The following DNAH11 variants were observed in gnomAD, a reference collection of about 807,000 sequenced individuals.
DNAH11 encodes dynein axonemal heavy chain 11, also known as axonemal beta dynein heavy chain 11.
A neutral mutation model predicts 526.0 loss-of-function variants in DNAH11; 442 were observed. The observed-to-expected ratio is 0.84, with a 90% CI of 0.78 to 0.91. DNAH11 has a LOEUF of 0.91. Ranked by LOEUF, DNAH11 falls within the 40% of genes least tolerant of loss-of-function variation. The pLI is 0.00. For synonymous variants in DNAH11, 2,461 were observed against 1,935.9 expected (o/e 1.27, Z -7.12); for missense variants, 6,989 against 5,448.7 (o/e 1.28, Z -8.90).
chr7:21,789,792 TC>T (rs1319901118), intron 61 of DNAH11, among the ~76,000 whole-genome samples: 36 of 84,316 alleles, frequency 4.3e-4, no homozygotes, highest in African/African-American at 1.6e-3. Flanking sequence ...TTTCTTTCTT[TC>T]TTTCTTTCTT....
intron 73 of DNAH11, 40 bp downstream of exon 73, chr7:21,869,031 C>G (rs543373208): frequency 6.2e-7 from 1 of 1,612,170 alleles, no homozygotes; most frequent in African/African-American, 1.3e-5. Flanking sequence ...GGCATAAACA[C>G]AGAGGAGGGC....
At chr7:21,858,850 TA>T (rs1782953309) in intron 68 of DNAH11, among the ~76,000 whole-genome samples, 1 of 152,180 alleles carries the variant, frequency 6.6e-6, no homozygotes, top group Non-Finnish European at 1.5e-5. Context: ...ACTGTGCATA[TA>T]ATAGGCACAT....
chr7:21,784,189 AT>A (rs968909208), intron 57 of DNAH11, among the ~76,000 whole-genome samples: 1 of 152,200 alleles, frequency 6.6e-6, no homozygotes, highest in African/African-American at 2.4e-5. Context: ...TTCTTGGAGC[AT>A]TTTGGAACTT....
intron 54 of DNAH11, among the ~76,000 whole-genome samples, chr7:21,754,472 A>G (rs1042485493): frequency 2.0e-5 from 3 of 151,672 alleles, no homozygotes; most frequent in Non-Finnish European, 2.9e-5. Context: ...TTTTATATTC[A>G]TCTCTATTGT....
At chr7:21,548,254 T>C (rs905298512) in intron 2 of DNAH11, among the ~76,000 whole-genome samples, 3 of 152,164 alleles carry the variant, frequency 2.0e-5, no homozygotes, top group Non-Finnish European at 4.4e-5. Context: ...GCTAGTGTCA[T>C]GTCTAGTGCA....
chr7:21,674,566 T>C (rs1190106496), intron 30 of DNAH11, among the ~76,000 whole-genome samples: 1 of 152,196 alleles, frequency 6.6e-6, no homozygotes, highest in Non-Finnish European at 1.5e-5. Flanking sequence ...TTTCGCCATG[T>C]TGACCAGGCC....
chr7:21,616,948 G>A (rs747779328), intron 22 of DNAH11, among the ~76,000 whole-genome samples: 11 of 152,240 alleles, frequency 7.2e-5, no homozygotes, highest in Non-Finnish European at 1.6e-4. Flanking sequence ...CCTTGCCTCA[G>A]CTTCTACCCA....
chr7:21,774,132 G>A (rs1787559141), intron 56 of DNAH11, 133 bp downstream of exon 56: 1 of 816,108 alleles, frequency 1.2e-6, no homozygotes, highest in African/African-American at 1.7e-5. Context: ...ATGACACCAA[G>A]AATACACTGC....
At position 21,725,876 on chromosome 7, in the gene DNAH11, G is replaced by A. The variant is rs28370951; in HGVS notation, c.7332G>A (p.Pro2444=). ...AAGAGATGAAAGCAGTGAAATTTCC[G>A]TCGCAGGGAACAATCTTTGATTATT... is the stretch of plus-strand genomic sequence containing the variant. The part of the protein sequence containing the change: ...WQKEMKAVKF[P]SQGTIFDYYV... Residue 2444 remains proline (P), a synonymous_variant, in exon 45 of 82, where the codon CCG becomes CCA. Coordinates refer to ENST00000409508, the MANE Select transcript of DNAH11 (RefSeq NM_001277115.2). 1.2e-3 allele frequency: 1,929 copies of A among 1,609,796 alleles called. 18 individuals are homozygous for A. The African/African-American group carries it at 0.023, about 19-fold the overall frequency.
intron 74 of DNAH11, among the ~76,000 whole-genome samples, chr7:21,879,887 C>T (rs986198266): frequency 1.3e-5 from 2 of 152,060 alleles, no homozygotes; most frequent in Non-Finnish European, 2.9e-5. Flanking sequence ...GAGTTCAAGA[C>T]CAGCCTGGCC....
intron 28 of DNAH11, among the ~76,000 whole-genome samples, chr7:21,650,876 G>C (rs1395618263): frequency 6.6e-6 from 1 of 151,334 alleles, no homozygotes; most frequent in Non-Finnish European, 1.5e-5. Context: ...CTGACCTCAG[G>C]TGATCCACTT....
intron 28 of DNAH11, among the ~76,000 whole-genome samples, chr7:21,646,649 C>T (rs1233916182): frequency 1.3e-5 from 2 of 152,150 alleles, no homozygotes; most frequent in Admixed American, 6.5e-5. Context: ...GCCCAGTGAG[C>T]TCCAGCAGGG....
At chr7:21,792,999 G>T (rs1304634661) in intron 61 of DNAH11, among the ~76,000 whole-genome samples, 1 of 151,944 alleles carries the variant, frequency 6.6e-6, no homozygotes, top group African/African-American at 2.4e-5. Flanking sequence ...TTTCTATGTA[G>T]GCATTTGATG....
intron 25 of DNAH11, among the ~76,000 whole-genome samples, chr7:21,630,292 C>G (rs1193286701): frequency 6.6e-6 from 1 of 151,976 alleles, no homozygotes; most frequent in Admixed American, 6.6e-5. Context: ...TTTGCTGTAG[C>G]TATTGTTTTT....
chr7:21,773,508 G>A (rs1252510569), intron 55 of DNAH11, among the ~76,000 whole-genome samples: 9 of 151,950 alleles, frequency 5.9e-5, no homozygotes, highest in Non-Finnish European at 1.0e-4. Context: ...TGTATATGCT[G>A]GCTTTTGTAT....
rs754350576 is a variant in DNAH11, at chr7:21,600,809, G to A, written c.3134G>A (p.Arg1045Gln). Residue 1045 changes from arginine to glutamine, a missense_variant, in exon 16 of 82, where the codon CGA becomes CAA. By Grantham distance (43) the Arg-to-Gln change is conservative. Coordinates refer to ENST00000409508, the MANE Select transcript of DNAH11 (RefSeq NM_001277115.2). ...CACACTTACCTCTGGGTGGATGATC[G>A]AGCTGAGTTTATGAAGCATTTTCTC... ...ETHTYLWVDD[R>Q]AEFMKHFLLY... The A allele has an allele frequency of 8.7e-6, 14 of 1,613,762 alleles. No individual in the cohort carries two copies. The African/African-American group carries it at 1.2e-4, about 14-fold the overall frequency.
At chr7:21,872,130 A>AAAAAAAAAAAAAAAAAAAC (rs1783521017) in intron 73 of DNAH11, among the ~76,000 whole-genome samples, 1 of 108,798 alleles carries the variant, frequency 9.2e-6, no homozygotes, top group African/African-American at 5.5e-5. Context: ...TCTCAAAAAA[A>AAAAAAAAAAAAAAAAAAAC]AAAAAAAAAA....
intron 43 of DNAH11, among the ~76,000 whole-genome samples, chr7:21,718,344 C>T (rs934525183): frequency 6.6e-6 from 1 of 152,062 alleles, no homozygotes; most frequent in African/African-American, 2.4e-5. Context: ...AAGTAACTTG[C>T]CCAGAGAAGG....
chr7:21,873,763 G>T (rs1783587415), intron 74 of DNAH11, among the ~76,000 whole-genome samples: 1 of 134,996 alleles, frequency 7.4e-6, no homozygotes, highest in Non-Finnish European at 1.6e-5. Context: ...AAGCTAACTA[G>T]GTAACTTCTT....
Sources: allele counts gnomAD v4.1 joint callset (sites outside exome capture counted in the v4.1 genomes callset), GRCh38; gene constraint gnomAD v4.1.1; transcripts MANE v1.5; gene names NCBI Gene and HGNC (gene_info 2026-07-23, HGNC 2026-07-21).